Variants in LRMDA observed in about 807,000 individuals in gnomAD.
LRMDA encodes the protein leucine-rich melanocyte differentiation-associated protein.
LRMDA carries 18 observed loss-of-function variants against 29.8 expected under a neutral mutation model. The observed-to-expected ratio is 0.60, with a 90% CI of 0.42 to 0.90. LRMDA has a LOEUF of 0.90. Among genes scored for constraint, LRMDA ranks in the 40% least tolerant of loss-of-function variants. The pLI is 0.00. For synonymous variants in LRMDA, 125 were observed against 109.4 expected (o/e 1.14, Z -0.89); for missense variants, 273 against 273.9 (o/e 1.00, Z 0.02).
Position 75,649,184 on chromosome 10 carries a change from A to G in LRMDA, c.131+210690A>G, listed in dbSNP as rs1365220084. ...CTCTGAATTCGACTGAGCACCACTG[A>G]GTACCTCATATGGGTGAATTATACA... On this transcript the variant is annotated intron_variant, in intron 2 of 6. Transcript: ENST00000611255. Among the ~76,000 whole-genome samples the G allele has an allele frequency of 4.6e-5, 7 of 152,186 alleles. No homozygotes were observed. The East Asian group carries it at 1.3e-3, about 29-fold the overall frequency.
intron 6 of LRMDA, among the ~76,000 whole-genome samples, chr10:76,415,197 A>G (rs1230436665): frequency 6.6e-6 from 1 of 152,220 alleles, no homozygotes; most frequent in African/African-American, 2.4e-5. Context: ...TCTAAAGCTG[A>G]CAGATTTCTG....
intron 2 of LRMDA, among the ~76,000 whole-genome samples, chr10:75,445,560 T>A (rs1233733153): frequency 4.6e-5 from 1 of 21,696 alleles, no homozygotes; most frequent in African/African-American, 2.1e-4. Context: ...AAGATAATTC[T>A]GTGCTTTAGC....
chr10:75,521,493 G>A lies in LRMDA; in HGVS notation c.131+82999G>A, dbSNP rs187441888. On this transcript the variant is annotated intron_variant, in intron 2 of 6. Transcript: ENST00000611255. ...CTGCGCTAGCAGTGAGCAAGGCTCC[G>A]TGGGCGTGGGGCCCACCGAGCCAGG... Among the ~76,000 whole-genome samples, 345 of 152,332 alleles carry A rather than the reference G, an allele frequency of 2.3e-3. 1 individual carries two copies. Among genetic ancestry groups the A allele is most frequent in the Admixed American group, 5.7e-3 (87 of 15,302 alleles).
intron 5 of LRMDA, among the ~76,000 whole-genome samples, chr10:76,135,771 CT>C (rs199666457): frequency 4.0e-3 from 566 of 141,516 alleles, no homozygotes; most frequent in Non-Finnish European, 5.0e-3. Context: ...AATTTTCTTT[CT>C]TTTTTTTTTT....
chr10:76,248,141 A>T (rs1331710847), intron 5 of LRMDA, among the ~76,000 whole-genome samples: 4 of 152,186 alleles, frequency 2.6e-5, no homozygotes, highest in African/African-American at 9.7e-5. Context: ...TTGACTCCCA[A>T]GAGTCATTTA....
At chr10:76,182,230 G>A (rs979496725) in intron 5 of LRMDA, among the ~76,000 whole-genome samples, 2 of 152,118 alleles carry the variant, frequency 1.3e-5, no homozygotes, top group Non-Finnish European at 1.5e-5. Flanking sequence ...ATGGTGGCAG[G>A]ATAGAGAGAG....
At chr10:76,161,190 G>T (rs1165420384) in intron 5 of LRMDA, among the ~76,000 whole-genome samples, 1 of 152,092 alleles carries the variant, frequency 6.6e-6, no homozygotes, top group Admixed American at 6.6e-5. Context: ...AAGAGATCTT[G>T]TCTCTGACTC....
intron 2 of LRMDA, among the ~76,000 whole-genome samples, chr10:75,596,049 A>G (rs567853432): frequency 5.9e-5 from 9 of 152,172 alleles, no homozygotes; most frequent in Non-Finnish European, 8.8e-5. Context: ...GTTTGTTTGC[A>G]TGTGTATATG....
intron 2 of LRMDA, among the ~76,000 whole-genome samples, chr10:75,598,756 G>T (rs539451466): frequency 1.6e-4 from 24 of 152,228 alleles, no homozygotes; most frequent in Non-Finnish European, 2.6e-4. Flanking sequence ...AGTATATAGA[G>T]AAATTTGAAC....
chr10:76,091,544 C>A (rs184984214), intron 5 of LRMDA, among the ~76,000 whole-genome samples: 23 of 152,218 alleles, frequency 1.5e-4, no homozygotes, highest in African/African-American at 5.5e-4. Context: ...TTCTTGTTAG[C>A]CTGGTGGTCC....
intron 2 of LRMDA, chr10:75,883,264 C>T (rs1214493408): frequency 6.6e-6 from 1 of 152,318 alleles, no homozygotes; most frequent in Non-Finnish European, 1.5e-5. Context: ...GAGTTGGCTT[C>T]CTGGTCTGAA....
At chr10:75,737,109 G>T (rs962837998) in intron 2 of LRMDA, among the ~76,000 whole-genome samples, 1 of 151,604 alleles carries the variant, frequency 6.6e-6, no homozygotes, top group African/African-American at 2.4e-5. Flanking sequence ...ACATGCACAC[G>T]CACGCACACA....
intron 2 of LRMDA, among the ~76,000 whole-genome samples, chr10:75,699,421 A>G (rs1024351829): frequency 5.3e-5 from 8 of 152,228 alleles, no homozygotes; most frequent in African/African-American, 1.9e-4. Flanking sequence ...TGTTATCTAT[A>G]AAAACACTTA....
At chr10:76,428,671 G>A (rs183523372) in intron 6 of LRMDA, among the ~76,000 whole-genome samples, 45 of 152,162 alleles carry the variant, frequency 3.0e-4, no homozygotes, top group Non-Finnish European at 5.7e-4. Flanking sequence ...AGGGTAAACC[G>A]GCTGAGGATG....
chr10:76,098,208 G>A (rs1378190805), intron 5 of LRMDA, among the ~76,000 whole-genome samples: 1 of 152,112 alleles, frequency 6.6e-6, no homozygotes, highest in Non-Finnish European at 1.5e-5. Context: ...TTTTCTAGAA[G>A]CATTTGTGTA....
At position 76,111,701 on chromosome 10, in the gene LRMDA, A is replaced by C. The variant is rs545381398; in HGVS notation, c.516+52918A>C. Among the ~76,000 whole-genome samples the C allele has an allele frequency of 3.3e-5, 5 of 152,362 alleles. No homozygotes were observed. In the East Asian group the frequency reaches 9.7e-4, roughly 29 times the overall value. ...TGTAATTATATGCAGACGTATACAA[A>C]GGATAAATGTTATTTACTTGCTCCA... On this transcript the variant is annotated intron_variant, in intron 5 of 6. Coordinates refer to ENST00000611255, the MANE Select transcript of LRMDA (RefSeq NM_001305581.2).
intron 5 of LRMDA, among the ~76,000 whole-genome samples, chr10:76,061,730 C>T (rs1277121594): frequency 6.6e-6 from 1 of 152,094 alleles, no homozygotes; most frequent in African/African-American, 2.4e-5. Flanking sequence ...GGACCAGAAC[C>T]CCTGGGGGTC....
intron 2 of LRMDA, among the ~76,000 whole-genome samples, chr10:76,006,433 G>A (rs968969625): frequency 1.2e-4 from 18 of 152,132 alleles, no homozygotes; most frequent in Non-Finnish European, 2.4e-4. Context: ...GGGGGCTCTT[G>A]GAAACCAGGT....
intron 2 of LRMDA, among the ~76,000 whole-genome samples, chr10:75,569,277 A>G (rs920246421): frequency 3.3e-5 from 5 of 152,172 alleles, no homozygotes; most frequent in Admixed American, 2.0e-4. Context: ...CTGAAAACCT[A>G]TGGCTGGGTT....
Sources: gnomAD v4.1 joint callset for allele counts (sites outside exome capture counted in the v4.1 genomes callset) on GRCh38, gnomAD v4.1.1 for gene constraint, MANE v1.5 for transcripts, NCBI Gene and HGNC (gene_info 2026-07-23, HGNC 2026-07-21) for gene names.